Variants in PLCH1 observed in about 807,000 individuals in gnomAD.
The protein encoded by PLCH1 is phospholipase C eta 1.
PLCH1 carries 60 observed loss-of-function variants against 126.7 expected under a neutral mutation model. The ratio of observed to expected loss-of-function variants is 0.47; its 90% CI spans 0.38 to 0.59. The LOEUF (loss-of-function observed/expected upper bound fraction) is 0.59, where lower values mean the gene tolerates loss of function less well. Among genes scored for constraint, PLCH1 ranks in the 20% least tolerant of loss-of-function variants. The pLI, the probability that PLCH1 is intolerant of heterozygous loss-of-function variation, is 0.00. For missense variants in PLCH1, 1,723 were observed against 2,040.0 expected (o/e 0.84, Z 2.99); for synonymous variants, 719 against 734.9 (o/e 0.98, Z 0.35).
intron 1 of PLCH1, among the ~76,000 whole-genome samples, chr3:155,725,366 T>C (rs1404675152): frequency 2.0e-5 from 3 of 152,186 alleles, no homozygotes; most frequent in Admixed American, 6.5e-5. Flanking sequence ...TATGTCAAAA[T>C]TGCCAGCTTC....
intron 2 of PLCH1, among the ~76,000 whole-genome samples, chr3:155,653,443 T>A (rs998494819): frequency 6.6e-6 from 1 of 152,218 alleles, no homozygotes; most frequent in African/African-American, 2.4e-5. Context: ...CTTATGGCCC[T>A]CTTTACCCAG....
chr3:155,642,944 TTTTG>T (rs1446290019), intron 2 of PLCH1, among the ~76,000 whole-genome samples: 5 of 151,964 alleles, frequency 3.3e-5, no homozygotes, highest in Admixed American at 6.6e-5. Flanking sequence ...TTGGTTGGTT[TTTTG>T]TTTGTTTATT....
chr3:155,605,239 T>C (rs1046896925), intron 2 of PLCH1, among the ~76,000 whole-genome samples: 6 of 152,184 alleles, frequency 3.9e-5, no homozygotes, highest in African/African-American at 1.4e-4. Flanking sequence ...AACACACTCT[T>C]AGTCCAAATG....
At chr3:155,740,279 C>T (rs752109426) in intron 1 of PLCH1, among the ~76,000 whole-genome samples, 8 of 151,888 alleles carry the variant, frequency 5.3e-5, no homozygotes, top group Non-Finnish European at 8.8e-5. Context: ...GGCATGATGG[C>T]GGGCGCCTGT....
rs762422939 is a variant in PLCH1 at position 155,544,684 on chromosome 3, T to C, written c.1362+5103A>G. On this transcript the variant is annotated intron_variant, in intron 10 of 22. Coordinates refer to ENST00000460012, the MANE Select transcript of PLCH1 (RefSeq NM_014996.4). ...TAAAAGATCAGAAATTATAACAAACTGTCTCTCAGACCACAGTGCAATCAA... is the reference window on the plus strand; with the variant it reads ...TAAAAGATCAGAAATTATAACAAACCGTCTCTCAGACCACAGTGCAATCAA... 2.5e-3 allele frequency among the ~76,000 whole-genome samples: 375 copies of C among 152,194 alleles called. 2 individuals are homozygous for C. Among genetic ancestry groups the C allele is most frequent in the Admixed American group, 6.0e-3 (92 of 15,288 alleles).
chr3:155,558,081 A>T (rs978583855), intron 8 of PLCH1, among the ~76,000 whole-genome samples: 4 of 152,248 alleles, frequency 2.6e-5, no homozygotes, highest in African/African-American at 9.6e-5. Context: ...CACTGTGTAC[A>T]TATCCTGACT....
Position 155,722,077 on chromosome 3 carries a change from A to G in PLCH1, c.-40-17813T>C, listed in dbSNP as rs546684145. Among the ~76,000 whole-genome samples, 7 of 152,186 alleles carry G rather than the reference A, an allele frequency of 4.6e-5. No individual in the cohort carries two copies. The South Asian group carries it at 1.5e-3, about 32-fold the overall frequency. On this transcript the variant is annotated intron_variant, in intron 1 of 22. Coordinates refer to ENST00000460012, the MANE Select transcript of PLCH1 (RefSeq NM_014996.4). ...AAATAAAGAAGTGGTGAAAGTGGGC[A>G]TCCTTGTCTTGTTCCCATTCTGAGG...
intron 2 of PLCH1, among the ~76,000 whole-genome samples, chr3:155,608,407 C>T (rs1734621076): frequency 1.3e-5 from 2 of 152,268 alleles, no homozygotes; most frequent in East Asian, 1.9e-4. Context: ...GAAAGCTGTG[C>T]TTGCCTTCTC....
In PLCH1 at chr3:155,514,797, C is replaced by G. The variant is rs866012198; in HGVS notation, c.1558G>C (p.Glu520Gln). 1.9e-6 allele frequency: 3 copies of G among 1,613,410 alleles called. No homozygotes were observed. The South Asian group carries it at 3.3e-5, about 18-fold the overall frequency. Residue 520 changes from glutamate to glutamine, a missense_variant, in exon 12 of 23, where the codon GAA (glutamate) becomes CAA (glutamine). Transcript: ENST00000460012. The part of the protein sequence containing the change: ...LLKESQIRDK[E>Q]DPDSFTVRAL... ...CGCACTGTGAAACTATCAGGATCTT[C>G]TTTATCTCGAATTTGAGATTCTTTT...
chr3:155,626,647 T>C (rs1290213663), intron 2 of PLCH1, among the ~76,000 whole-genome samples: 1 of 151,646 alleles, frequency 6.6e-6, no homozygotes, highest in Admixed American at 6.6e-5. Flanking sequence ...TGGGCGCCTG[T>C]AGTCCCAGCT....
At chr3:155,633,856 T>A (rs1738389234) in intron 2 of PLCH1, among the ~76,000 whole-genome samples, 1 of 151,816 alleles carries the variant, frequency 6.6e-6, no homozygotes, top group South Asian at 2.1e-4. Context: ...GTAGGCAGAG[T>A]TTGCAATGAG....
At chr3:155,668,914 G>A (rs1032924013) in intron 2 of PLCH1, among the ~76,000 whole-genome samples, 19 of 152,016 alleles carry the variant, frequency 1.2e-4, no homozygotes, top group Non-Finnish European at 2.5e-4. Context: ...AAAGAAAAGC[G>A]AGACTAAAGA....
chr3:155,483,287 G>T, intron 22 of PLCH1: 1 of 1,133,158 alleles, frequency 8.8e-7, no homozygotes, highest in Non-Finnish European at 1.3e-6. Flanking sequence ...ATCTGCTAAG[G>T]ATGTAATATT....
chr3:155,458,194 T>C (rs1406907597), intron 21 of PLCH1, among the ~76,000 whole-genome samples: 1 of 150,888 alleles, frequency 6.6e-6, no homozygotes, highest in Non-Finnish European at 1.5e-5. Flanking sequence ...ATACAAAAAT[T>C]AGTGGGGCGT....
At chr3:155,615,041 G>A (rs932483219) in intron 2 of PLCH1, among the ~76,000 whole-genome samples, 5 of 151,864 alleles carry the variant, frequency 3.3e-5, no homozygotes, top group Non-Finnish European at 7.4e-5. Context: ...TGAATCCAAC[G>A]AAGGACTAAT....
At chr3:155,455,766 T>C (rs1712426709) in intron 21 of PLCH1, among the ~76,000 whole-genome samples, 1 of 152,254 alleles carries the variant, frequency 6.6e-6, no homozygotes, top group South Asian at 2.1e-4. Flanking sequence ...TACAAAGAAA[T>C]ACACTTTCTC....
chr3:155,632,013 G>T (rs1447518739), intron 2 of PLCH1, among the ~76,000 whole-genome samples: 3 of 144,754 alleles, frequency 2.1e-5, no homozygotes, highest in Non-Finnish European at 4.5e-5. Flanking sequence ...CCTTTCTTTT[G>T]TTCCAGAAAT....
chr3:155,575,908 G>A (rs559868934), intron 6 of PLCH1, among the ~76,000 whole-genome samples: 102 of 152,098 alleles, frequency 6.7e-4, no homozygotes, highest in Admixed American at 1.9e-3. Context: ...GCCTGCCCCC[G>A]TAGCTGGGAT....
intron 2 of PLCH1, among the ~76,000 whole-genome samples, chr3:155,673,083 T>A (rs1679708316): frequency 7.7e-6 from 1 of 129,390 alleles, no homozygotes; most frequent in Non-Finnish European, 1.6e-5. Flanking sequence ...TTGGTAATAA[T>A]GTCTAAATTT....
Sources: gnomAD v4.1 joint callset for allele counts (sites outside exome capture counted in the v4.1 genomes callset) on GRCh38, gnomAD v4.1.1 for gene constraint, MANE v1.5 for transcripts, NCBI Gene and HGNC (gene_info 2026-07-23, HGNC 2026-07-21) for gene names.